ANO2: variants seen among roughly 807,000 people sequenced by gnomAD.
ANO2 encodes anoctamin-2.
In ANO2, 101 loss-of-function variants were observed where a neutral mutation model predicts 124.2. That is an observed-to-expected ratio of 0.81 (90% CI 0.69 to 0.96). ANO2 has a LOEUF of 0.96. Among genes scored for constraint, ANO2 ranks in the 40% least tolerant of loss-of-function variants. The probability of loss-of-function intolerance (pLI) is 0.00; values close to 1 mark genes in which losing one functional copy is unlikely to be tolerated. For synonymous variants in ANO2, 486 were observed against 482.5 expected (o/e 1.01, Z -0.09); for missense variants, 1,293 against 1,274.5 (o/e 1.01, Z -0.22).
At chr12:5,848,887 T>C (rs1171015250) in intron 4 of ANO2, among the ~76,000 whole-genome samples, 1 of 152,188 alleles carries the variant, frequency 6.6e-6, no homozygotes, top group African/African-American at 2.4e-5. Context: ...CACCTTGCTA[T>C]GAATAACAAT....
chr12:5,658,885 T>C lies in ANO2; in HGVS notation c.1546-11084A>G, dbSNP rs1947309866. Among the ~76,000 whole-genome samples, 1 of 152,164 alleles carries C rather than the reference T, an allele frequency of 6.6e-6. No homozygotes were observed. The highest frequency in any genetic ancestry group is 1.5e-5 in the Non-Finnish European group (1 of 68,034). Reference sequence around the variant, plus strand: ...ATCATCATCATCATCAACATCATTATCATCATTAAAATCATCATCAGCAAC... The same window carrying C: ...ATCATCATCATCATCAACATCATTACCATCATTAAAATCATCATCAGCAAC... On this transcript the variant is annotated intron_variant, in intron 14 of 24. Coordinates refer to ENST00000682330, the MANE Select transcript of ANO2 (RefSeq NM_001364791.2). The surrounding 1 kb of genome is among the most constrained non-coding windows in gnomAD (Gnocchi z 4.3).
chr12:5,868,173 C>T (rs557752014), intron 3 of ANO2, among the ~76,000 whole-genome samples: 2 of 151,662 alleles, frequency 1.3e-5, no homozygotes, highest in South Asian at 2.1e-4. Flanking sequence ...CTAGTGTACA[C>T]CATTAATATA....
At chr12:5,790,191 C>T (rs1402273207) in intron 10 of ANO2, among the ~76,000 whole-genome samples, 1 of 152,212 alleles carries the variant, frequency 6.6e-6, no homozygotes, top group Non-Finnish European at 1.5e-5. Flanking sequence ...AACAGATCTG[C>T]AGGGGCTGAA....
chr12:5,893,472 T>C (rs922173234), intron 3 of ANO2, among the ~76,000 whole-genome samples: 2 of 151,680 alleles, frequency 1.3e-5, no homozygotes, highest in Non-Finnish European at 2.9e-5. Flanking sequence ...TGTATGTAGT[T>C]TTTTTTCCCT....
intron 4 of ANO2, among the ~76,000 whole-genome samples, chr12:5,848,594 G>T (rs1954762795): frequency 6.6e-6 from 1 of 152,190 alleles, no homozygotes; most frequent in Non-Finnish European, 1.5e-5. Flanking sequence ...CGGGGCCCCA[G>T]CAGTCTTCTC....
In ANO2 at chr12:5,633,038, G is replaced by C. The variant is rs571737286; in HGVS notation, c.1816+2114C>G. On this transcript the variant is annotated intron_variant, in intron 16 of 24. Coordinates refer to ENST00000682330, the MANE Select transcript of ANO2 (RefSeq NM_001364791.2). ...GATCAGGACCACATGGAGCGGGTAG[G>C]GGACATTTATTTCTACTCCTGGTGT... is the stretch of plus-strand genomic sequence containing the variant. Among the ~76,000 whole-genome samples the C allele has an allele frequency of 6.6e-5, 10 of 152,290 alleles. No individual in the cohort carries two copies. In the East Asian group the frequency reaches 1.9e-3, roughly 29 times the overall value.
intron 14 of ANO2, among the ~76,000 whole-genome samples, chr12:5,708,132 C>T (rs770709630): frequency 6.6e-5 from 10 of 152,166 alleles, no homozygotes; most frequent in Admixed American, 1.3e-4. Flanking sequence ...GACACCTACA[C>T]GTGGTTCTTT....
Position 5,925,820 on chromosome 12 carries a change from T to A in ANO2, c.23-3016A>T, listed in dbSNP as rs186494252. Among the ~76,000 whole-genome samples, 433 of 152,320 alleles carry A rather than the reference T, an allele frequency of 2.8e-3. 1 individual carries two copies. The highest frequency in any genetic ancestry group is 1.0e-2 in the African/African-American group (415 of 41,576). On this transcript the variant is annotated intron_variant, in intron 1 of 24. Coordinates refer to ENST00000682330, the MANE Select transcript of ANO2 (RefSeq NM_001364791.2). This position sits in a 1 kb window ranked among gnomAD's most constrained non-coding sequence, Gnocchi z 4.6. ...GGGGCATGGCTTACCCACGTCTGGG[T>A]TGAGGAGATGGATGTCGTAAGGCTG... is the stretch of plus-strand genomic sequence containing the variant.
chr12:5,726,947 T>C (rs2137059580), intron 14 of ANO2, among the ~76,000 whole-genome samples: 1 of 152,190 alleles, frequency 6.6e-6, no homozygotes, highest in East Asian at 1.9e-4. Context: ...TGCCTGGTAA[T>C]GGTACCATAA....
At position 5,599,459 on chromosome 12, in the gene ANO2, G is replaced by A. The variant is rs1943822113; in HGVS notation, c.2233+25C>T. On this transcript the variant is annotated intron_variant, in intron 20 of 24. Coordinates refer to ENST00000682330, the MANE Select transcript of ANO2 (RefSeq NM_001364791.2). ...CCCCTTGTCTGAACCTGCCCCCAGT[G>A]GAAGGCAGGACCATGGGTTCTCACT... 8.9e-6 allele frequency: 14 copies of A among 1,581,126 alleles called. No homozygotes were observed. The Admixed American group carries it at 2.6e-4, about 29-fold the overall frequency.
intron 3 of ANO2, among the ~76,000 whole-genome samples, chr12:5,863,413 G>A (rs1157234070): frequency 2.6e-5 from 4 of 152,190 alleles, no homozygotes; most frequent in African/African-American, 9.7e-5. Context: ...AAGGCCATGG[G>A]TTCTGGAGCC....
At chr12:5,828,604 C>T (rs778990150) in intron 6 of ANO2, among the ~76,000 whole-genome samples, 6 of 152,154 alleles carry the variant, frequency 3.9e-5, no homozygotes, top group Admixed American at 1.3e-4. Context: ...CAGCAGCTGC[C>T]GACTCAGTGG....
intron 14 of ANO2, among the ~76,000 whole-genome samples, chr12:5,655,377 G>A (rs776330737): frequency 6.6e-5 from 10 of 152,164 alleles, no homozygotes; most frequent in East Asian, 1.9e-4. Flanking sequence ...AAAATCACCC[G>A]CAGGACTTGT....
intron 3 of ANO2, among the ~76,000 whole-genome samples, chr12:5,871,613 T>C (rs147740325): frequency 2.6e-5 from 4 of 152,278 alleles, no homozygotes; most frequent in African/African-American, 7.2e-5. Flanking sequence ...CTAGGTTGCA[T>C]GCTCCTTATG....
At chr12:5,791,582 T>A (rs2137150144) in intron 10 of ANO2, among the ~76,000 whole-genome samples, 1 of 152,340 alleles carries the variant, frequency 6.6e-6, no homozygotes, top group East Asian at 1.9e-4. Context: ...CTGGGGCACC[T>A]TCAGCTACAG....
chr12:5,684,545 C>T (rs1447650565), intron 14 of ANO2, among the ~76,000 whole-genome samples: 2 of 152,162 alleles, frequency 1.3e-5, no homozygotes, highest in Non-Finnish European at 2.9e-5. Context: ...CAGTCCTCCA[C>T]AGAGTACAAC....
At chr12:5,632,025 T>A (rs116810278) in intron 16 of ANO2, among the ~76,000 whole-genome samples, 3 of 152,142 alleles carry the variant, frequency 2.0e-5, no homozygotes, top group Admixed American at 1.3e-4. Flanking sequence ...ACAGAGGGGA[T>A]GACCAGAGGA....
At chr12:5,614,379 G>T (rs1944691527) in intron 17 of ANO2, among the ~76,000 whole-genome samples, 1 of 152,148 alleles carries the variant, frequency 6.6e-6, no homozygotes, top group African/African-American at 2.4e-5. Context: ...AACCATGTTG[G>T]TTGAGGCTCT....
At chr12:5,757,822 G>A (rs760571901) in intron 10 of ANO2, among the ~76,000 whole-genome samples, 3 of 152,192 alleles carry the variant, frequency 2.0e-5, no homozygotes, top group African/African-American at 4.8e-5. Flanking sequence ...ATGGGAGGAT[G>A]CGATAGTCCC....
Sources: gnomAD v4.1 joint callset for allele counts (sites outside exome capture counted in the v4.1 genomes callset) on GRCh38, gnomAD v4.1.1 for gene constraint, Gnocchi (gnomAD v3.1) non-coding constraint, MANE v1.5 for transcripts, NCBI Gene and HGNC (gene_info 2026-07-23, HGNC 2026-07-21) for gene names.